The following ARB2A variants were observed in gnomAD, a reference collection of about 807,000 sequenced individuals.
ARB2A encodes the protein ARB2 cotranscriptional regulator A.
the ARB2A span, among the ~76,000 whole-genome samples, chr5:93,721,648 G>A: frequency 6.6e-6 from 1 of 152,058 alleles, no homozygotes; most frequent in Admixed American, 6.6e-5. Context: ...CAACGTTGAG[G>A]AACTTATTAG....
At chr5:93,678,188 A>G in the ARB2A span, among the ~76,000 whole-genome samples, 1 of 152,198 alleles carries the variant, frequency 6.6e-6, no homozygotes, top group South Asian at 2.1e-4. Context: ...TAACTTTTTT[A>G]TATGGTTCCC....
chr5:94,080,352 G>A, the ARB2A span, among the ~76,000 whole-genome samples: 1 of 152,108 alleles, frequency 6.6e-6, no homozygotes, highest in Non-Finnish European at 1.5e-5. Context: ...TTTCAAAGCA[G>A]CCTATACCAT....
At chr5:93,729,000 A>G in the ARB2A span, among the ~76,000 whole-genome samples, 90 of 152,118 alleles carry the variant, frequency 5.9e-4, no homozygotes, top group Non-Finnish European at 1.2e-3. Flanking sequence ...TTTTACCACT[A>G]CATTTAACTC....
At chr5:93,638,664 A>G in the ARB2A span, among the ~76,000 whole-genome samples, 2 of 150,144 alleles carry the variant, frequency 1.3e-5, no homozygotes, top group East Asian at 3.9e-4. Context: ...ATACAAAAAT[A>G]CAAAAAAAAA....
chr5:93,969,066 T>C, the ARB2A span, among the ~76,000 whole-genome samples: 1 of 150,778 alleles, frequency 6.6e-6, no homozygotes, highest in Non-Finnish European at 1.5e-5. Flanking sequence ...CAAGAAATGT[T>C]AAAACTTATT....
At chr5:93,771,502 A>G in the ARB2A span, among the ~76,000 whole-genome samples, 1 of 151,794 alleles carries the variant, frequency 6.6e-6, no homozygotes, top group Non-Finnish European at 1.5e-5. Flanking sequence ...AGAAACTACC[A>G]TCAGAGTGAA....
the ARB2A span, among the ~76,000 whole-genome samples, chr5:93,704,163 T>G: frequency 6.6e-6 from 1 of 152,198 alleles, no homozygotes; most frequent in Non-Finnish European, 1.5e-5. Flanking sequence ...AATGATAGGT[T>G]TTCTTAAAGG....
At chr5:93,942,175 G>A in the ARB2A span, among the ~76,000 whole-genome samples, 10 of 152,110 alleles carry the variant, frequency 6.6e-5, no homozygotes, top group Non-Finnish European at 1.5e-4. Context: ...AAAGGAATAA[G>A]CTGTCGTTAA....
the ARB2A span, among the ~76,000 whole-genome samples, chr5:94,069,302 A>T: frequency 1.3e-5 from 2 of 152,226 alleles, no homozygotes; most frequent in Non-Finnish European, 2.9e-5. Flanking sequence ...TGGATTAAAG[A>T]TTTAAATGTA....
At chr5:93,859,631 A>C in the ARB2A span, among the ~76,000 whole-genome samples, 1 of 152,230 alleles carries the variant, frequency 6.6e-6, no homozygotes, top group Non-Finnish European at 1.5e-5. Flanking sequence ...AGATTTTTTC[A>C]AAATAACAAA....
At chr5:93,892,534 T>C in the ARB2A span, among the ~76,000 whole-genome samples, 1 of 152,210 alleles carries the variant, frequency 6.6e-6, no homozygotes. Flanking sequence ...TTTCAACTAA[T>C]TTTTACTATA....
At chr5:93,872,678 G>A in the ARB2A span, among the ~76,000 whole-genome samples, 3 of 152,226 alleles carry the variant, frequency 2.0e-5, no homozygotes, top group African/African-American at 7.2e-5. Flanking sequence ...AGCACTTTGG[G>A]AGGCTGAGGC....
chr5:93,842,442 T>A, the ARB2A span, among the ~76,000 whole-genome samples: 1 of 152,184 alleles, frequency 6.6e-6, no homozygotes, highest in Non-Finnish European at 1.5e-5. Context: ...AGTTCCAGCA[T>A]AGGATGGCAG....
the ARB2A span, among the ~76,000 whole-genome samples, chr5:93,678,870 C>T: frequency 1.9e-4 from 29 of 152,168 alleles, no homozygotes; most frequent in Non-Finnish European, 3.1e-4. Context: ...CAAAGAAACA[C>T]TTTGAGATGG....
chr5:94,056,065 C>A, the ARB2A span: 1 of 296,008 alleles, frequency 3.4e-6, no homozygotes. Flanking sequence ...ATGGCTTGTC[C>A]AAAATCACAG....
At chr5:94,034,023 A>G in the ARB2A span, among the ~76,000 whole-genome samples, 1 of 152,130 alleles carries the variant, frequency 6.6e-6, no homozygotes, top group South Asian at 2.1e-4. Flanking sequence ...CACTTTTGGA[A>G]TGTCTGCTTC....
the ARB2A span, among the ~76,000 whole-genome samples, chr5:93,653,763 A>G: frequency 6.6e-6 from 1 of 152,114 alleles, no homozygotes; most frequent in East Asian, 1.9e-4. Context: ...CATATATATT[A>G]TTAGAGTCTA....
the ARB2A span, among the ~76,000 whole-genome samples, chr5:93,699,872 C>G: frequency 6.6e-6 from 1 of 151,508 alleles, no homozygotes; most frequent in Non-Finnish European, 1.5e-5. Context: ...GCCCAGAGGT[C>G]CATGTGGCTG....
At chr5:93,878,932 T>C in the ARB2A span, among the ~76,000 whole-genome samples, 1 of 152,226 alleles carries the variant, frequency 6.6e-6, no homozygotes, top group South Asian at 2.1e-4. Context: ...TTTGTGATCC[T>C]AGACTAACAT....
Sources: allele counts gnomAD v4.1 joint callset (sites outside exome capture counted in the v4.1 genomes callset), GRCh38; gene constraint gnomAD v4.1.1; transcripts MANE v1.5; gene names NCBI Gene and HGNC (gene_info 2026-07-23, HGNC 2026-07-21).